The following TNFRSF10A variants were observed in gnomAD, a reference collection of about 807,000 sequenced individuals.
TNFRSF10A encodes the protein TNF receptor superfamily member 10a, also known as tumor necrosis factor receptor superfamily member 10A.
TNFRSF10A carries 44 observed loss-of-function variants against 42.8 expected under a neutral mutation model. That is an observed-to-expected ratio of 1.03 (90% confidence interval 0.81 to 1.32). TNFRSF10A has a LOEUF of 1.32. Among genes scored for constraint, TNFRSF10A ranks in the 40% most tolerant of loss-of-function variants. The probability of loss-of-function intolerance (pLI) is 0.00; values close to 1 mark genes in which losing one functional copy is unlikely to be tolerated. For synonymous variants in TNFRSF10A, 259 were observed against 234.2 expected (o/e 1.11, Z -0.97); for missense variants, 680 against 602.0 (o/e 1.13, Z -1.36).
Position 23,224,619 on chromosome 8 carries a change from C to T in TNFRSF10A, c.306+137G>A, listed in dbSNP as rs1585291016. The T allele has an allele frequency of 4.2e-6, 5 of 1,201,074 alleles. No homozygotes were observed. The South Asian group carries it at 6.4e-5, about 15-fold the overall frequency. The allele number at this position is 1,201,074 out of a possible 1,614,324, so 74.4% of individuals were successfully genotyped here. A position where few individuals can be genotyped will look rare whatever the true frequency, so the allele number is the denominator to read the frequency against. ...GACCCCGTTCTTCCTCCGACTCCGACGACGGGCTCCTCCTGCCCGGACATG... is the reference window on the plus strand; with the variant it reads ...GACCCCGTTCTTCCTCCGACTCCGATGACGGGCTCCTCCTGCCCGGACATG... On this transcript the variant is annotated intron_variant, in intron 1 of 9. Transcript: ENST00000221132.
chr8:23,203,661 A>G (rs1800967422), intron 2 of TNFRSF10A, among the ~76,000 whole-genome samples: 1 of 152,220 alleles, frequency 6.6e-6, no homozygotes, highest in Non-Finnish European at 1.5e-5. Context: ...GAAAACCCAA[A>G]CTGTGGAAAA....
intron 8 of TNFRSF10A, among the ~76,000 whole-genome samples, chr8:23,197,764 C>T (rs1264131494): frequency 6.6e-6 from 1 of 152,108 alleles, no homozygotes; most frequent in Non-Finnish European, 1.5e-5. Context: ...AGGTTGGGGA[C>T]CATTCGTTAA....
chr8:23,191,735 A>C lies in TNFRSF10A; in HGVS notation c.1366T>G (p.Tyr456Asp). ...DLLVDSGKFI[Y>D]LEDGTGSAVS... ...GCAGAGCCTGTGCCATCTTCTAAGT[A>C]GATGAACTTTCCAGAGTCCACCAAG... The change falls in exon 10 of 10, where the codon TAC becomes GAC. Residue 456 changes from tyrosine to aspartate, a missense_variant. Tyr to Asp is a radical substitution (Grantham distance 160). Coordinates refer to ENST00000221132, the MANE Select transcript of TNFRSF10A (RefSeq NM_003844.4). The C allele has an allele frequency of 6.2e-7, 1 of 1,614,178 alleles. No homozygotes were observed. Among genetic ancestry groups the C allele is most frequent in the African/African-American group, 1.3e-5 (1 of 75,058 alleles).
chr8:23,209,777 C>T (rs1801067248), intron 2 of TNFRSF10A, among the ~76,000 whole-genome samples: 1 of 152,168 alleles, frequency 6.6e-6, no homozygotes, highest in Non-Finnish European at 1.5e-5. Flanking sequence ...AAGGGACTTG[C>T]TTTGTCTCAC....
intron 2 of TNFRSF10A, among the ~76,000 whole-genome samples, chr8:23,209,781 G>A (rs371031934): frequency 9.9e-5 from 15 of 152,220 alleles, no homozygotes; most frequent in African/African-American, 3.6e-4. Flanking sequence ...GACTTGCTTT[G>A]TCTCACATGA....
At chr8:23,198,388 GTATC>G (rs1345135857) in intron 8 of TNFRSF10A, among the ~76,000 whole-genome samples, 2 of 152,148 alleles carry the variant, frequency 1.3e-5, no homozygotes, top group Admixed American at 6.5e-5. Context: ...AAAGGTAAAA[GTATC>G]TACAGATTTC....
chr8:23,221,634 C>A (rs540722209), intron 1 of TNFRSF10A, among the ~76,000 whole-genome samples: 1 of 152,150 alleles, frequency 6.6e-6, no homozygotes, highest in Non-Finnish European at 1.5e-5. Flanking sequence ...TGGCCCCAGC[C>A]GACCACAGTT....
At chr8:23,192,334 A>G (rs1458832031) in intron 9 of TNFRSF10A, among the ~76,000 whole-genome samples, 2 of 152,154 alleles carry the variant, frequency 1.3e-5, no homozygotes, top group African/African-American at 2.4e-5. Context: ...CGAGGGAGGG[A>G]GGGAGAGTGG....
At chr8:23,206,470 G>C (rs1446343174) in intron 2 of TNFRSF10A, among the ~76,000 whole-genome samples, 1 of 152,156 alleles carries the variant, frequency 6.6e-6, no homozygotes, top group Non-Finnish European at 1.5e-5. Context: ...ATGTTCACAT[G>C]TTTAGGAACT....
At chr8:23,215,518 ATAAC>A (rs60068607) in intron 1 of TNFRSF10A, among the ~76,000 whole-genome samples, 100,463 of 150,002 alleles carry the variant, frequency 0.67, 33,688 homozygotes, top group South Asian at 0.83. Flanking sequence ...AAAAAATAGC[ATAAC>A]TAAATAAATA....
chr8:23,223,383 C>G (rs1801284032), intron 1 of TNFRSF10A, among the ~76,000 whole-genome samples: 1 of 152,176 alleles, frequency 6.6e-6, no homozygotes. Context: ...TCTTTTATAG[C>G]CACACCAACG....
At chr8:23,210,581 C>A (rs764839353) in intron 2 of TNFRSF10A, among the ~76,000 whole-genome samples, 1 of 152,130 alleles carries the variant, frequency 6.6e-6, no homozygotes, top group African/African-American at 2.4e-5. Flanking sequence ...ACTTGGAAGG[C>A]TGAGGCAGGA....
chr8:23,199,858 C>T (rs1043472056), intron 7 of TNFRSF10A, 28 bp downstream of exon 7: 2 of 1,614,126 alleles, frequency 1.2e-6, no homozygotes, highest in South Asian at 2.2e-5. Context: ...GCCCCTGATG[C>T]CCCCAGCTCC....
At chr8:23,211,518 G>C (rs1017864163) in intron 2 of TNFRSF10A, among the ~76,000 whole-genome samples, 1 of 152,174 alleles carries the variant, frequency 6.6e-6, no homozygotes, top group African/African-American at 2.4e-5. Flanking sequence ...GAGAAACTCA[G>C]CTGATTTTAG....
intron 1 of TNFRSF10A, among the ~76,000 whole-genome samples, chr8:23,220,061 T>G (rs1801236625): frequency 6.6e-6 from 1 of 152,134 alleles, no homozygotes; most frequent in African/African-American, 2.4e-5. Context: ...CAGGCGAGTG[T>G]CTGAGGTGCC....
At chr8:23,224,720 C>T (rs1477133950) in intron 1 of TNFRSF10A, 36 bp downstream of exon 1, 2 of 1,540,334 alleles carry the variant, frequency 1.3e-6, no homozygotes, top group Admixed American at 2.0e-5. Flanking sequence ...GTGCCAGGCG[C>T]GCTTTTCCCC....
intron 8 of TNFRSF10A, among the ~76,000 whole-genome samples, chr8:23,198,833 T>G (rs78340531): frequency 0.013 from 1,982 of 152,290 alleles, 46 homozygotes; most frequent in African/African-American, 0.045. Context: ...AAATTGTGCT[T>G]CTTCTTGGAA....
chr8:23,225,027 G>A lies in TNFRSF10A; in HGVS notation c.35C>T (p.Ala12Val), dbSNP rs768188842. ...APPPARVHLGAFLAVTPNPGS... is the reference protein window; with the variant it reads ...APPPARVHLGVFLAVTPNPGS... ...GGGATTCGGAGTCACTGCCAGGAAC[G>A]CACCTAGATGTACTCTAGCTGGTGG... The change falls in exon 1 of 10, where the codon GCG becomes GTG. Residue 12 changes from alanine (A) to valine (V), a missense_variant. By Grantham distance (64) the Ala-to-Val change is moderately conservative. Transcript: ENST00000221132. 1.3e-6 allele frequency: 2 copies of A among 1,568,592 alleles called. No individual in the cohort carries two copies. Among genetic ancestry groups the A allele is most frequent in the Non-Finnish European group, 8.7e-7 (1 of 1,155,578 alleles).
chr8:23,224,919 C>T lies in TNFRSF10A; in HGVS notation c.143G>A (p.Arg48Gln), dbSNP rs768990607. 6.3e-6 allele frequency: 10 copies of T among 1,598,616 alleles called. No homozygotes were observed. Among genetic ancestry groups the T allele is most frequent in the Non-Finnish European group, 8.5e-6 (10 of 1,172,940 alleles). The stretch of plus-strand genomic sequence containing the variant: ...AGGGAGCGCTCCTCGGCCCCCGCCT[C>T]GTGGTTCAATCCTCCCCGCGGAAGA... ...WGSSAGRIEP[R>Q]GGGRGALPTS... Residue 48 changes from arginine to glutamine, a missense_variant, in exon 1 of 10, where the codon CGA becomes CAA. Transcript: ENST00000221132.
Sources: allele counts gnomAD v4.1 joint callset (sites outside exome capture counted in the v4.1 genomes callset), GRCh38; gene constraint gnomAD v4.1.1; transcripts MANE v1.5; gene names NCBI Gene and HGNC (gene_info 2026-07-23, HGNC 2026-07-21).